FMNL2: variants seen among roughly 807,000 people sequenced by gnomAD.
The protein encoded by FMNL2 is formin-like protein 2.
In FMNL2, 51 loss-of-function variants were observed where a neutral mutation model predicts 130.2. The ratio of observed to expected loss-of-function variants is 0.39; its 90% CI spans 0.31 to 0.49. The LOEUF is 0.49. FMNL2 is among the 20% of genes least tolerant of loss of function. The pLI, the probability that FMNL2 is intolerant of heterozygous loss-of-function variation, is 0.85. For synonymous variants in FMNL2, 465 were observed against 467.1 expected, an observed-to-expected ratio of 1.00 and a Z score of 0.06; for missense variants, 977 against 1,316.2, an observed-to-expected ratio of 0.74 and a Z score of 3.99.
At chr2:152,430,934 C>G (rs996185831) in intron 1 of FMNL2, among the ~76,000 whole-genome samples, 1 of 151,970 alleles carries the variant, frequency 6.6e-6, no homozygotes, top group African/African-American at 2.4e-5. Flanking sequence ...TCCCCTCCCC[C>G]CTTTTTATTT....
In FMNL2 at chr2:152,420,513, C is replaced by T. The variant is rs577371510; in HGVS notation, c.117+84793C>T. On this transcript the variant is annotated intron_variant, in intron 1 of 25. Coordinates refer to ENST00000288670, the MANE Select transcript of FMNL2 (RefSeq NM_052905.4). Reference sequence around the variant, plus strand: ...TACTGGCTTTAATAAGGTCTTTCTCCGAGAATTGTTGCTTATCTTACAAGG... The same window carrying T: ...TACTGGCTTTAATAAGGTCTTTCTCTGAGAATTGTTGCTTATCTTACAAGG... Among the ~76,000 whole-genome samples the T allele has an allele frequency of 1.5e-3, 222 of 152,182 alleles. 1 individual carries two copies. Among genetic ancestry groups the T allele is most frequent in the African/African-American group, 5.2e-3 (216 of 41,520 alleles).
chr2:152,550,919 C>T (rs1363165990), intron 4 of FMNL2, among the ~76,000 whole-genome samples: 5 of 152,042 alleles, frequency 3.3e-5, no homozygotes, highest in Non-Finnish European at 7.4e-5. Flanking sequence ...GGGTGGATCA[C>T]CTGAGGTCAG....
chr2:152,462,355 A>AG (rs1382455864), intron 1 of FMNL2, among the ~76,000 whole-genome samples: 1 of 152,204 alleles, frequency 6.6e-6, no homozygotes, highest in East Asian at 1.9e-4. Flanking sequence ...AGAATAGCTT[A>AG]GACCAGTGGT....
chr2:152,523,083 A>C (rs746669592), intron 2 of FMNL2, among the ~76,000 whole-genome samples: 2 of 152,234 alleles, frequency 1.3e-5, no homozygotes, highest in Non-Finnish European at 2.9e-5. Context: ...TTACTTAAGC[A>C]TATAGCATGG....
chr2:152,532,576 G>T (rs1034281110), intron 2 of FMNL2, among the ~76,000 whole-genome samples: 1 of 149,890 alleles, frequency 6.7e-6, no homozygotes, highest in Non-Finnish European at 1.5e-5. Context: ...GATCTGCTCT[G>T]TTCAAATCTT....
chr2:152,627,244 G>A (rs1271396115), intron 17 of FMNL2, among the ~76,000 whole-genome samples: 1 of 152,300 alleles, frequency 6.6e-6, no homozygotes, highest in South Asian at 2.1e-4. Flanking sequence ...GTAACAACAG[G>A]AATGTGAATT....
intron 18 of FMNL2, among the ~76,000 whole-genome samples, chr2:152,629,125 G>T (rs1681994711): frequency 6.6e-6 from 1 of 151,896 alleles, no homozygotes; most frequent in Non-Finnish European, 1.5e-5. Flanking sequence ...AATAGACTTT[G>T]TTACTGATTA....
intron 1 of FMNL2, among the ~76,000 whole-genome samples, chr2:152,400,202 G>A (rs987383768): frequency 6.6e-6 from 1 of 152,202 alleles, no homozygotes; most frequent in African/African-American, 2.4e-5. Flanking sequence ...GGAAGCCGAG[G>A]CGGGCGGATC....
Position 152,619,502 on chromosome 2 carries a change from T to G in FMNL2, c.1628-7T>G, listed in dbSNP as rs1034102636. ...CAAAGTCCATCTGTTTCTTTTTTCT[T>G]TGCTAGTGCAAAATGGTCCAGTAAC... On this transcript the variant is annotated splice_region_variant and splice_polypyrimidine_tract_variant and intron_variant, in intron 14 of 25. Coordinates refer to ENST00000288670, the MANE Select transcript of FMNL2 (RefSeq NM_052905.4). The G allele has an allele frequency of 1.3e-6, 2 of 1,549,610 alleles. No individual in the cohort carries two copies. Among genetic ancestry groups the G allele is most frequent in the Admixed American group, 3.9e-5 (2 of 50,962 alleles).
rs138793784 is a variant in FMNL2, at chr2:152,570,781, T to C, written c.597-4355T>C. ...CTTGAAAGTTACACTTCAGAATGAA[T>C]AGGTTGGAAAAGTTACACTTCAGAA... On this transcript the variant is annotated intron_variant, in intron 6 of 25. Transcript: ENST00000288670. Among the ~76,000 whole-genome samples, 101 of 152,268 alleles carry C rather than the reference T, an allele frequency of 6.6e-4. 2 individuals are homozygous for C. The highest frequency in any genetic ancestry group is 6.6e-3 in the South Asian group (32 of 4,830).
At chr2:152,503,816 G>C (rs1579828358) in intron 1 of FMNL2, among the ~76,000 whole-genome samples, 1 of 152,186 alleles carries the variant, frequency 6.6e-6, no homozygotes, top group East Asian at 1.9e-4. Flanking sequence ...AAAATTGTTA[G>C]GACAAGAGCC....
intron 10 of FMNL2, among the ~76,000 whole-genome samples, chr2:152,608,780 G>C (rs531139926): frequency 9.2e-5 from 14 of 152,186 alleles, no homozygotes; most frequent in African/African-American, 3.4e-4. Context: ...TGTTAGAGTT[G>C]AGGTTGCAAA....
At chr2:152,380,652 C>T (rs950380715) in intron 1 of FMNL2, among the ~76,000 whole-genome samples, 3 of 152,176 alleles carry the variant, frequency 2.0e-5, no homozygotes, top group Non-Finnish European at 2.9e-5. Context: ...ACTCGCTGTA[C>T]CTACCCTTCT....
chr2:152,505,737 G>A (rs1355097673), intron 1 of FMNL2, among the ~76,000 whole-genome samples: 4 of 152,170 alleles, frequency 2.6e-5, no homozygotes, highest in Non-Finnish European at 4.4e-5. Flanking sequence ...CCGTGTCTTC[G>A]AGTGTCTGAT....
At chr2:152,411,527 A>T (rs979784000) in intron 1 of FMNL2, among the ~76,000 whole-genome samples, 1 of 152,184 alleles carries the variant, frequency 6.6e-6, no homozygotes, top group African/African-American at 2.4e-5. Flanking sequence ...CACTCCTCCC[A>T]TCTCCTTCCT....
At chr2:152,370,816 G>C (rs1683831430) in intron 1 of FMNL2, among the ~76,000 whole-genome samples, 1 of 152,216 alleles carries the variant, frequency 6.6e-6, no homozygotes, top group South Asian at 2.1e-4. Flanking sequence ...TGCAAAGCTA[G>C]AGGCTTAAAA....
intron 2 of FMNL2, among the ~76,000 whole-genome samples, chr2:152,534,915 T>C (rs879415136): frequency 3.3e-5 from 5 of 152,202 alleles, no homozygotes; most frequent in Non-Finnish European, 7.3e-5. Flanking sequence ...CCTCTTCAAC[T>C]AGCAAAATGA....
chr2:152,625,343 G>A (rs1681706933), intron 15 of FMNL2, 95 bp from the exon 16 acceptor site: 4 of 1,441,690 alleles, frequency 2.8e-6, no homozygotes, highest in Admixed American at 2.2e-5. Flanking sequence ...TTCCTCCAGT[G>A]TCAAAGTGTC....
At chr2:152,388,392 CCTT>C (rs1221245242) in intron 1 of FMNL2, among the ~76,000 whole-genome samples, 1 of 152,214 alleles carries the variant, frequency 6.6e-6, no homozygotes, top group East Asian at 1.9e-4. Flanking sequence ...GCAAACGCGT[CCTT>C]CTTCACGTGT....
Sources: gnomAD v4.1 joint callset for allele counts (sites outside exome capture counted in the v4.1 genomes callset) on GRCh38, gnomAD v4.1.1 for gene constraint, MANE v1.5 for transcripts, NCBI Gene and HGNC (gene_info 2026-07-23, HGNC 2026-07-21) for gene names.